The following NTNG1 variants were observed in gnomAD, a reference collection of about 807,000 sequenced individuals.
NTNG1 encodes the protein netrin-G1.
In NTNG1, 16 loss-of-function variants were observed where a neutral mutation model predicts 54.0. The observed-to-expected ratio is 0.30, with a 90% CI of 0.20 to 0.45. The LOEUF (loss-of-function observed/expected upper bound fraction) is 0.45, where lower values mean the gene tolerates loss of function less well. Ranked by LOEUF, NTNG1 falls within the 20% of genes least tolerant of loss-of-function variation. NTNG1 has a pLI of 1.00. For missense variants in NTNG1, 530 were observed against 678.7 expected (o/e 0.78, Z 2.43); for synonymous variants, 255 against 263.1 (o/e 0.97, Z 0.30).
chr1:107,176,516 G>A (rs77910122), intron 2 of NTNG1, among the ~76,000 whole-genome samples: 3 of 152,158 alleles, frequency 2.0e-5, no homozygotes, highest in South Asian at 2.1e-4. Flanking sequence ...TTAACATCAC[G>A]GTTAAGTGAA....
intron 7 of NTNG1, among the ~76,000 whole-genome samples, chr1:107,468,398 C>T (rs116032582): frequency 1.6e-4 from 24 of 152,282 alleles, no homozygotes; most frequent in East Asian, 3.9e-4. Context: ...TATCTCCTTT[C>T]GGCTGCAGAT....
chr1:107,280,828 AT>A (rs1664799176), intron 2 of NTNG1, among the ~76,000 whole-genome samples: 1 of 151,370 alleles, frequency 6.6e-6, no homozygotes, highest in Admixed American at 6.6e-5. Flanking sequence ...AGTTTATTTA[AT>A]TTATTTCACA....
intron 7 of NTNG1, among the ~76,000 whole-genome samples, chr1:107,437,274 A>G (rs553261988): frequency 5.7e-4 from 87 of 152,318 alleles, no homozygotes; most frequent in Non-Finnish European, 1.0e-3. Flanking sequence ...TAATAAATCT[A>G]AGGAATATTT....
chr1:107,158,056 T>A (rs1180894123), intron 2 of NTNG1, among the ~76,000 whole-genome samples: 1 of 152,104 alleles, frequency 6.6e-6, no homozygotes, highest in Admixed American at 6.6e-5. Context: ...TATAAGAACT[T>A]GGCTAAGTTG....
chr1:107,231,914 G>C (rs953341675), intron 2 of NTNG1, among the ~76,000 whole-genome samples: 1 of 152,052 alleles, frequency 6.6e-6, no homozygotes, highest in African/African-American at 2.4e-5. Flanking sequence ...AGTGAAATCA[G>C]TCTGGAAACT....
At chr1:107,341,259 T>C (rs563812280) in intron 3 of NTNG1, among the ~76,000 whole-genome samples, 11 of 152,282 alleles carry the variant, frequency 7.2e-5, no homozygotes, top group Admixed American at 5.2e-4. Flanking sequence ...CTTTCTTATA[T>C]TGATGGACCG....
intron 2 of NTNG1, among the ~76,000 whole-genome samples, chr1:107,314,675 C>A (rs1667230365): frequency 6.6e-6 from 1 of 152,110 alleles, no homozygotes; most frequent in South Asian, 2.1e-4. Context: ...TGCAGCCTGG[C>A]CTCTCCGCTG....
chr1:107,399,976 G>A lies in NTNG1; in HGVS notation c.1060+4650G>A, dbSNP rs540384633. On this transcript the variant is annotated intron_variant, in intron 4 of 7. Transcript: ENST00000370068. Reference sequence around the variant, plus strand: ...TTTAAATCTCCATGTTCCCCACCCCGGCTGTTCTCAGTCTACAATTTTTTC... The same window carrying A: ...TTTAAATCTCCATGTTCCCCACCCCAGCTGTTCTCAGTCTACAATTTTTTC... Among the ~76,000 whole-genome samples, 7 of 151,946 alleles carry A rather than the reference G, an allele frequency of 4.6e-5. No individual in the cohort carries two copies. The South Asian group carries it at 8.3e-4, about 18-fold the overall frequency.
At chr1:107,427,570 T>C (rs1674988300) in intron 5 of NTNG1, among the ~76,000 whole-genome samples, 2 of 152,090 alleles carry the variant, frequency 1.3e-5, no homozygotes, top group Admixed American at 1.3e-4. Flanking sequence ...TATATAGTAC[T>C]CTCATGTTTT....
At chr1:107,377,946 A>C (rs542491954) in intron 3 of NTNG1, among the ~76,000 whole-genome samples, 1 of 152,342 alleles carries the variant, frequency 6.6e-6, no homozygotes, top group South Asian at 2.1e-4. Flanking sequence ...AAAGTTCACC[A>C]AAGTGATTTT....
At chr1:107,475,314 T>C (rs531429186) in intron 7 of NTNG1, among the ~76,000 whole-genome samples, 48 of 152,342 alleles carry the variant, frequency 3.2e-4, no homozygotes, top group Non-Finnish European at 4.9e-4. Context: ...AATCTATAAA[T>C]TGGGAGACCT....
chr1:107,422,852 A>T (rs1674659513), intron 5 of NTNG1, among the ~76,000 whole-genome samples: 1 of 152,120 alleles, frequency 6.6e-6, no homozygotes, highest in African/African-American at 2.4e-5. Flanking sequence ...ATTGTATTTT[A>T]TGTTATATTT....
chr1:107,466,104 G>A (rs552607982), intron 7 of NTNG1, among the ~76,000 whole-genome samples: 59 of 152,284 alleles, frequency 3.9e-4, no homozygotes, highest in African/African-American at 1.3e-3. Context: ...GCAGTGGGGA[G>A]ATTCTGAACA....
chr1:107,468,334 A>G (rs1415292099), intron 7 of NTNG1, among the ~76,000 whole-genome samples: 7 of 152,294 alleles, frequency 4.6e-5, no homozygotes, highest in African/African-American at 1.7e-4. Flanking sequence ...AAGTGCTCAA[A>G]GGCATTGAAA....
At chr1:107,332,172 C>T (rs1668321845) in intron 3 of NTNG1, among the ~76,000 whole-genome samples, 1 of 151,966 alleles carries the variant, frequency 6.6e-6, no homozygotes, top group South Asian at 2.1e-4. Flanking sequence ...AGCTCATTTT[C>T]CTCTGAGGTT....
intron 3 of NTNG1, among the ~76,000 whole-genome samples, chr1:107,378,407 T>C (rs1373867679): frequency 1.3e-5 from 2 of 152,074 alleles, no homozygotes; most frequent in African/African-American, 4.8e-5. Flanking sequence ...GACCGGAATG[T>C]AAAAATCAGG....
chr1:107,464,837 GT>G (rs1434795249), intron 7 of NTNG1, among the ~76,000 whole-genome samples: 1 of 152,108 alleles, frequency 6.6e-6, no homozygotes, highest in Non-Finnish European at 1.5e-5. Flanking sequence ...TACAGTTTTA[GT>G]TTAATACTTT....
chr1:107,418,763 T>A (rs987466266), intron 5 of NTNG1: 16 of 611,192 alleles, frequency 2.6e-5, no homozygotes, highest in African/African-American at 7.5e-5. Context: ...TTTGAAAGAA[T>A]CATAATTCAA....
chr1:107,410,192 C>G (rs1028066080), intron 5 of NTNG1: 3 of 151,998 alleles, frequency 2.0e-5, no homozygotes, highest in African/African-American at 7.3e-5. Context: ...CAGCATAGCT[C>G]AAGGAAAATA....
Sources: gnomAD v4.1 joint callset for allele counts (sites outside exome capture counted in the v4.1 genomes callset) on GRCh38, gnomAD v4.1.1 for gene constraint, MANE v1.5 for transcripts, NCBI Gene and HGNC (gene_info 2026-07-23, HGNC 2026-07-21) for gene names.